ZFYVE28: variants seen among roughly 807,000 people sequenced by gnomAD.
ZFYVE28 encodes lateral signaling target protein 2 homolog.
ZFYVE28 carries 40 observed loss-of-function variants against 82.1 expected under a neutral mutation model. The observed-to-expected ratio is 0.49, with a 90% CI of 0.38 to 0.63. The LOEUF is 0.63. Among genes scored for constraint, ZFYVE28 ranks in the 30% least tolerant of loss-of-function variants. ZFYVE28 has a pLI of 0.00. For synonymous variants in ZFYVE28, 612 were observed against 546.1 expected (o/e 1.12, Z -1.68); for missense variants, 1,321 against 1,242.1 (o/e 1.06, Z -0.96).
chr4:2,410,696 C>T (rs1732435942), intron 1 of ZFYVE28, among the ~76,000 whole-genome samples: 4 of 152,114 alleles, frequency 2.6e-5, no homozygotes, highest in African/African-American at 7.2e-5. Context: ...GGGGTTTCAC[C>T]GTGTTAGCCA....
At chr4:2,278,463 C>T (rs1168972711) in intron 8 of ZFYVE28, among the ~76,000 whole-genome samples, 6 of 152,140 alleles carry the variant, frequency 3.9e-5, no homozygotes, top group African/African-American at 1.4e-4. Context: ...GCTGGGATTA[C>T]AGGCGTGAGC....
rs71167785 is a variant in ZFYVE28 at position 2,355,199 on chromosome 4, AATATATATATATATATATATATAT to A, written c.40-1150_40-1127del. ...TTACAAAAGTGATGAAGTCCTTGAA[AATATATATATATATATATATATAT>A]ATATATATATATATATATATATATA... is the stretch of plus-strand genomic sequence containing the variant. On this transcript the variant is annotated intron_variant, in intron 1 of 12. Coordinates refer to ENST00000290974, the MANE Select transcript of ZFYVE28 (RefSeq NM_020972.3). Among the ~76,000 whole-genome samples, 64 of 48,932 alleles carry A rather than the reference AATATATATATATATATATATATAT, an allele frequency of 1.3e-3. 1 individual carries two copies. The highest frequency in any genetic ancestry group is 1.7e-3 in the Non-Finnish European group (45 of 26,112). The allele number at this position is 48,932 out of a possible 152,430, so 32.1% of individuals were successfully genotyped here. A position where few individuals can be genotyped will look rare whatever the true frequency, so the allele number is the denominator to read the frequency against.
intron 1 of ZFYVE28, among the ~76,000 whole-genome samples, chr4:2,405,480 C>T (rs975007602): frequency 2.6e-5 from 4 of 152,270 alleles, no homozygotes; most frequent in African/African-American, 4.8e-5. Context: ...AGCAGACTTA[C>T]AGTTTCCCAT....
At chr4:2,291,534 G>A (rs984882833) in intron 8 of ZFYVE28, among the ~76,000 whole-genome samples, 1 of 152,238 alleles carries the variant, frequency 6.6e-6, no homozygotes, top group African/African-American at 2.4e-5. Context: ...CAGGAGCAGG[G>A]AGTAGGGCCG....
intron 1 of ZFYVE28, among the ~76,000 whole-genome samples, chr4:2,377,245 T>C (rs891137775): frequency 2.6e-5 from 4 of 152,150 alleles, no homozygotes; most frequent in African/African-American, 4.8e-5. Context: ...ATGGTCTCGA[T>C]CTCCTGACCT....
chr4:2,273,928 G>T, intron 9 of ZFYVE28, 134 bp downstream of exon 9: 2 of 1,008,454 alleles, frequency 2.0e-6, no homozygotes, highest in Non-Finnish European at 1.5e-6. Context: ...AGGAGTGCTG[G>T]CTCCTTAGGG....
chr4:2,320,411 G>C lies in ZFYVE28; in HGVS notation c.702-140C>G. 1 of 640,758 alleles carries C rather than the reference G, an allele frequency of 1.6e-6. No homozygotes were observed. The highest frequency in any genetic ancestry group is 2.7e-6 in the Non-Finnish European group (1 of 364,940). The allele number at this position is 640,758 out of a possible 1,614,324, so 39.7% of individuals were successfully genotyped here. ...TGTCCCAGCACGGCCGCCGCCTCAT[G>C]CTTTGCCTTGTGTGATTGCATTGTA... is the stretch of plus-strand genomic sequence containing the variant. On this transcript the variant is annotated intron_variant, in intron 6 of 12. Transcript: ENST00000290974. This position sits in a 1 kb window ranked among gnomAD's most constrained non-coding sequence, Gnocchi z 5.1.
chr4:2,279,936 T>C (rs767218598), intron 8 of ZFYVE28, among the ~76,000 whole-genome samples: 3 of 152,188 alleles, frequency 2.0e-5, no homozygotes, highest in East Asian at 1.9e-4. Flanking sequence ...TTTTTCTTTA[T>C]GGGGTGATGA....
rs1365568941 is a variant in ZFYVE28, at chr4:2,417,600, T to G, written c.39+685A>C. 4.6e-5 allele frequency among the ~76,000 whole-genome samples: 7 copies of G among 150,698 alleles called. No homozygotes were observed. Among genetic ancestry groups the G allele is most frequent in the Non-Finnish European group, 8.9e-5 (6 of 67,538 alleles). On this transcript the variant is annotated intron_variant, in intron 1 of 12. Coordinates refer to ENST00000290974, the MANE Select transcript of ZFYVE28 (RefSeq NM_020972.3). This position sits in a 1 kb window ranked among gnomAD's most constrained non-coding sequence, Gnocchi z 4.8. Reference sequence around the variant, plus strand: ...TGTCCCGGATTCCAGAGGACGTGGGTGGGGAAGGGACAAGGATAGGGACAA... The same window carrying G: ...TGTCCCGGATTCCAGAGGACGTGGGGGGGGAAGGGACAAGGATAGGGACAA...
At chr4:2,370,972 G>C (rs977486476) in intron 1 of ZFYVE28, among the ~76,000 whole-genome samples, 1 of 152,208 alleles carries the variant, frequency 6.6e-6, no homozygotes, top group Non-Finnish European at 1.5e-5. Flanking sequence ...CCACCACGAA[G>C]ACCCCCAGGG....
chr4:2,291,048 C>A (rs955784691), intron 8 of ZFYVE28, among the ~76,000 whole-genome samples: 1 of 152,222 alleles, frequency 6.6e-6, no homozygotes, highest in African/African-American at 2.4e-5. Flanking sequence ...TGTGCTCCTG[C>A]CCCCGGCACA....
At chr4:2,307,541 G>C (rs969270157) in intron 7 of ZFYVE28, among the ~76,000 whole-genome samples, 4 of 152,086 alleles carry the variant, frequency 2.6e-5, no homozygotes, top group African/African-American at 4.8e-5. Flanking sequence ...GCCCAAATCT[G>C]GGATGATCAT....
At chr4:2,359,677 A>G (rs939493450) in intron 1 of ZFYVE28, among the ~76,000 whole-genome samples, 1 of 152,060 alleles carries the variant, frequency 6.6e-6, no homozygotes, top group African/African-American at 2.4e-5. Flanking sequence ...ATACATTCCT[A>G]CCGTTCCGGC....
At chr4:2,278,847 A>T (rs530056366) in intron 8 of ZFYVE28, among the ~76,000 whole-genome samples, 2 of 152,216 alleles carry the variant, frequency 1.3e-5, no homozygotes, top group East Asian at 3.9e-4. Flanking sequence ...ACATGAACAG[A>T]TGCCCAACAT....
intron 8 of ZFYVE28, among the ~76,000 whole-genome samples, chr4:2,280,464 C>T (rs1348748072): frequency 1.3e-5 from 2 of 152,126 alleles, no homozygotes; most frequent in Non-Finnish European, 2.9e-5. Context: ...GCTGTGATCA[C>T]ACCACTGCAC....
chr4:2,351,552 A>G (rs1724448316), intron 2 of ZFYVE28, among the ~76,000 whole-genome samples: 2 of 152,164 alleles, frequency 1.3e-5, no homozygotes, highest in African/African-American at 2.4e-5. Context: ...CGTCTCTACT[A>G]AAAATACAAA....
chr4:2,391,752 TTG>T (rs1729861728), intron 1 of ZFYVE28, among the ~76,000 whole-genome samples: 1 of 150,674 alleles, frequency 6.6e-6, no homozygotes, highest in South Asian at 2.1e-4. Context: ...TTTTTTTTTT[TTG>T]TGACTGAGTC....
At chr4:2,412,973 C>G (rs544751538) in intron 1 of ZFYVE28, among the ~76,000 whole-genome samples, 26 of 152,204 alleles carry the variant, frequency 1.7e-4, no homozygotes, top group Admixed American at 2.6e-4. Context: ...CTCTCTGCCT[C>G]TGACTCGCCC....
Position 2,304,693 on chromosome 4 carries a change from G to T in ZFYVE28, c.1647C>A (p.Pro549=). 6.2e-7 allele frequency: 1 copy of T among 1,612,608 alleles called. No homozygotes were observed. Among genetic ancestry groups the T allele is most frequent in the Non-Finnish European group, 8.5e-7 (1 of 1,179,892 alleles). Residue 549 remains proline (P), a synonymous_variant, in exon 8 of 13, where the codon CCC becomes CCA. Transcript: ENST00000290974. ...TGGTGGCCCCAGTGCTAAGCTTGTG[G>T]GGGCCGCCATCCATCCCCTCGGCCA... ...EPVAEGMDGG[P]HKLSTGATNC... is the part of the protein sequence containing the mutation.
Sources: gnomAD v4.1 joint callset for allele counts (sites outside exome capture counted in the v4.1 genomes callset) on GRCh38, gnomAD v4.1.1 for gene constraint, Gnocchi (gnomAD v3.1) non-coding constraint, MANE v1.5 for transcripts, NCBI Gene and HGNC (gene_info 2026-07-23, HGNC 2026-07-21) for gene names.